The following DCLK1 variants were observed in gnomAD, a reference collection of about 807,000 sequenced individuals.
DCLK1 encodes doublecortin like kinase 1.
A neutral mutation model predicts 86.2 loss-of-function variants in DCLK1; 16 were observed. That is an observed-to-expected ratio of 0.19 (90% CI 0.13 to 0.28). The LOEUF is 0.28. DCLK1 is among the 10% of genes least tolerant of loss of function. The probability of loss-of-function intolerance (pLI) is 1.00; values close to 1 mark genes in which losing one functional copy is unlikely to be tolerated. For missense variants in DCLK1, 590 were observed against 940.2 expected (o/e 0.63, Z 4.87); for synonymous variants, 369 against 370.5 (o/e 1.00, Z 0.05).
intron 3 of DCLK1, among the ~76,000 whole-genome samples, chr13:36,033,413 A>C (rs1052848908): frequency 6.6e-6 from 1 of 152,134 alleles, no homozygotes; most frequent in Non-Finnish European, 1.5e-5. Context: ...AAATCGCATA[A>C]TATATAGGAG....
chr13:36,089,203 C>T (rs1884728795), intron 3 of DCLK1, among the ~76,000 whole-genome samples: 1 of 152,068 alleles, frequency 6.6e-6, no homozygotes, highest in African/African-American at 2.4e-5. Flanking sequence ...TGCCCCATTT[C>T]GAATCATTCT....
intron 4 of DCLK1, among the ~76,000 whole-genome samples, chr13:35,906,770 A>T (rs1434131028): frequency 1.3e-5 from 2 of 152,188 alleles, no homozygotes; most frequent in Admixed American, 6.5e-5. Flanking sequence ...GAGTTGTAGG[A>T]CACCTTGGTT....
chr13:35,895,612 T>C lies in DCLK1; in HGVS notation c.824-24272A>G, dbSNP rs375441504. Reference sequence around the variant, plus strand: ...TAATTATGTCTTTGCATTTATGGCATGTGGGTAGCTATCTCTATAAATTAT... The same window carrying C: ...TAATTATGTCTTTGCATTTATGGCACGTGGGTAGCTATCTCTATAAATTAT... On this transcript the variant is annotated intron_variant, in intron 4 of 16. Coordinates refer to ENST00000360631, the MANE Select transcript of DCLK1 (RefSeq NM_001330071.2). Among the ~76,000 whole-genome samples, 138 of 152,318 alleles carry C rather than the reference T, an allele frequency of 9.1e-4. 1 individual carries two copies. Among genetic ancestry groups the C allele is most frequent in the Non-Finnish European group, 1.6e-3 (111 of 68,020 alleles).
At chr13:35,917,534 A>C (rs1875490559) in intron 4 of DCLK1, among the ~76,000 whole-genome samples, 1 of 152,164 alleles carries the variant, frequency 6.6e-6, no homozygotes, top group Admixed American at 6.5e-5. Context: ...GGGACTTAGG[A>C]GGTGGAGGAC....
chr13:36,018,065 C>T (rs1178079796), intron 3 of DCLK1, among the ~76,000 whole-genome samples: 1 of 152,224 alleles, frequency 6.6e-6, no homozygotes, highest in Non-Finnish European at 1.5e-5. Flanking sequence ...GATTAACACA[C>T]TTGCCTACCA....
chr13:36,119,966 C>G (rs966625290), intron 2 of DCLK1, among the ~76,000 whole-genome samples: 3 of 152,130 alleles, frequency 2.0e-5, no homozygotes, highest in African/African-American at 7.2e-5. Flanking sequence ...CAGGAACTTC[C>G]TATCTCTGTG....
intron 4 of DCLK1, among the ~76,000 whole-genome samples, chr13:35,888,333 A>G (rs1437658406): frequency 1.3e-5 from 2 of 152,364 alleles, no homozygotes; most frequent in Non-Finnish European, 2.9e-5. Flanking sequence ...ATCTCTGGGT[A>G]CATGTGATTA....
At chr13:36,101,158 T>C (rs745972558) in intron 3 of DCLK1, among the ~76,000 whole-genome samples, 1 of 152,188 alleles carries the variant, frequency 6.6e-6, no homozygotes, top group Non-Finnish European at 1.5e-5. Context: ...GTGCAGCGTA[T>C]TGAGGGGAGA....
chr13:35,835,252 C>T (rs771299853), intron 8 of DCLK1, among the ~76,000 whole-genome samples: 1 of 152,020 alleles, frequency 6.6e-6, no homozygotes, highest in African/African-American at 2.4e-5. Flanking sequence ...CCAGTCCAGC[C>T]CCCAGAAAGC....
intron 5 of DCLK1, among the ~76,000 whole-genome samples, chr13:35,860,592 A>C (rs1871325062): frequency 6.6e-6 from 1 of 152,170 alleles, no homozygotes. Context: ...TAATTTTTTA[A>C]ATAAATACTT....
intron 3 of DCLK1, among the ~76,000 whole-genome samples, chr13:36,098,311 T>C (rs1885084664): frequency 6.6e-6 from 1 of 152,230 alleles, no homozygotes; most frequent in Non-Finnish European, 1.5e-5. Flanking sequence ...AACTTTTGAT[T>C]CATTACACAA....
At chr13:35,900,988 AT>A (rs201776360) in intron 4 of DCLK1, among the ~76,000 whole-genome samples, 2 of 151,692 alleles carry the variant, frequency 1.3e-5, no homozygotes, top group African/African-American at 4.8e-5. Flanking sequence ...TCAACAAAGT[AT>A]TTTTTTTTCT....
At chr13:35,976,745 G>A (rs536785859) in intron 3 of DCLK1, among the ~76,000 whole-genome samples, 5 of 150,688 alleles carry the variant, frequency 3.3e-5, no homozygotes, top group South Asian at 2.1e-4. Flanking sequence ...CGTTTTAGCC[G>A]GGATGGTCTC....
chr13:36,067,221 T>C (rs980292948), intron 3 of DCLK1, among the ~76,000 whole-genome samples: 6 of 133,552 alleles, frequency 4.5e-5, no homozygotes, highest in African/African-American at 1.7e-4. Flanking sequence ...TGGAATACTA[T>C]GCAGCCATAA....
At chr13:36,015,773 A>G (rs979709330) in intron 3 of DCLK1, among the ~76,000 whole-genome samples, 2 of 152,106 alleles carry the variant, frequency 1.3e-5, no homozygotes, top group Non-Finnish European at 2.9e-5. Context: ...TTTATTTTGC[A>G]TCTGTGCTTT....
At chr13:35,884,568 C>G (rs577087599) in intron 4 of DCLK1, among the ~76,000 whole-genome samples, 1 of 152,280 alleles carries the variant, frequency 6.6e-6, no homozygotes, top group South Asian at 2.1e-4. Context: ...AAGAGCATAA[C>G]AATGTGAACT....
intron 16 of DCLK1, among the ~76,000 whole-genome samples, chr13:35,778,184 G>A (rs1200899804): frequency 2.0e-5 from 3 of 152,146 alleles, no homozygotes; most frequent in East Asian, 1.9e-4. Flanking sequence ...CCCACCTTCC[G>A]GTCCATTCTG....
rs527886345 is a variant in DCLK1, at chr13:36,092,072, G to A, written c.723+19797C>T. ...TTTATTTAATTACTTAGCAGCACGTGATACTGTTGTCAGACAGTCCTTATT... is the reference window on the plus strand; with the variant it reads ...TTTATTTAATTACTTAGCAGCACGTAATACTGTTGTCAGACAGTCCTTATT... On this transcript the variant is annotated intron_variant, in intron 3 of 16. Coordinates refer to ENST00000360631, the MANE Select transcript of DCLK1 (RefSeq NM_001330071.2). Among the ~76,000 whole-genome samples the A allele has an allele frequency of 4.6e-5, 7 of 152,258 alleles. No individual in the cohort carries two copies. The East Asian group carries it at 1.2e-3, about 25-fold the overall frequency.
intron 4 of DCLK1, among the ~76,000 whole-genome samples, chr13:35,931,854 G>GATAT (rs1336084583): frequency 6.6e-6 from 1 of 152,110 alleles, no homozygotes; most frequent in Non-Finnish European, 1.5e-5. Flanking sequence ...TGTACTGTGG[G>GATAT]ATATATGTTT....
Sources: allele counts gnomAD v4.1 joint callset (sites outside exome capture counted in the v4.1 genomes callset), GRCh38; gene constraint gnomAD v4.1.1; transcripts MANE v1.5; gene names NCBI Gene and HGNC (gene_info 2026-07-23, HGNC 2026-07-21).